ANKS1B: variants seen among roughly 807,000 people sequenced by gnomAD.
ANKS1B encodes ankyrin repeat and sterile alpha motif domain containing 1B.
Under a neutral mutation model 148.3 loss-of-function variants are expected in ANKS1B, and 36 were observed. That is an observed-to-expected ratio of 0.24 (90% confidence interval 0.19 to 0.32). ANKS1B has a LOEUF of 0.32. ANKS1B is among the 10% of genes least tolerant of loss of function. The probability of loss-of-function intolerance (pLI) is 1.00; values close to 1 mark genes in which losing one functional copy is unlikely to be tolerated. For synonymous variants in ANKS1B, 542 were observed against 560.8 expected (o/e 0.97, Z 0.47); for missense variants, 1,157 against 1,542.6 (o/e 0.75, Z 4.19).
chr12:99,887,994 A>G (rs774161550), intron 1 of ANKS1B, among the ~76,000 whole-genome samples: 37 of 152,196 alleles, frequency 2.4e-4, no homozygotes, highest in Non-Finnish European at 1.0e-4. Flanking sequence ...GGGCTCAAAT[A>G]GTGAAAAACA....
Position 99,641,953 on chromosome 12 carries a change from T to C in ANKS1B, c.1272+13114A>G, listed in dbSNP as rs373301157. On this transcript the variant is annotated intron_variant, in intron 9 of 26. Transcript: ENST00000683438. ...AAGTATAAATAGTCCATAGGGACTA[T>C]GGGAAAGTATAAATAGTCCATAGAA... Among the ~76,000 whole-genome samples the C allele has an allele frequency of 1.2e-4, 19 of 152,312 alleles. No homozygotes were observed. The South Asian group carries it at 2.1e-3, about 17-fold the overall frequency.
chr12:98,803,846 T>C (rs2099027084), intron 20 of ANKS1B, among the ~76,000 whole-genome samples: 1 of 152,256 alleles, frequency 6.6e-6, no homozygotes, highest in South Asian at 2.1e-4. Context: ...TAAACTTTAA[T>C]GTGAGTTCCA....
chr12:99,720,984 A>G (rs7953846), intron 8 of ANKS1B, among the ~76,000 whole-genome samples: 30,726 of 152,166 alleles, frequency 0.2, 3,359 homozygotes, highest in Middle Eastern at 0.24. Context: ...CTCTCTAATT[A>G]GATGTCCTGG....
At chr12:99,552,788 T>G (rs2097234651) in intron 9 of ANKS1B, among the ~76,000 whole-genome samples, 1 of 152,208 alleles carries the variant, frequency 6.6e-6, no homozygotes, top group African/African-American at 2.4e-5. Context: ...TATTTACATA[T>G]AACCTATGAA....
intron 17 of ANKS1B, among the ~76,000 whole-genome samples, chr12:99,021,568 G>T (rs947727771): frequency 6.6e-6 from 1 of 152,038 alleles, no homozygotes; most frequent in African/African-American, 2.4e-5. Flanking sequence ...TACATCATAG[G>T]CACCACAATA....
intron 9 of ANKS1B, among the ~76,000 whole-genome samples, chr12:99,546,619 A>G (rs2097174797): frequency 6.6e-6 from 1 of 152,160 alleles, no homozygotes; most frequent in Admixed American, 6.5e-5. Flanking sequence ...TCCACTGCAG[A>G]ATTTAGGAAC....
At chr12:99,271,479 G>A (rs954643727) in intron 12 of ANKS1B, among the ~76,000 whole-genome samples, 1 of 151,718 alleles carries the variant, frequency 6.6e-6, no homozygotes, top group Non-Finnish European at 1.5e-5. Context: ...TAGGGATAAT[G>A]TTTTCTTTAC....
At chr12:98,839,379 CTATG>C (rs1218519482) in intron 17 of ANKS1B, among the ~76,000 whole-genome samples, 2 of 124,224 alleles carry the variant, frequency 1.6e-5, no homozygotes, top group Non-Finnish European at 3.7e-5. Flanking sequence ...ATGTAGGCAT[CTATG>C]TATGTATGTA....
chr12:98,779,295 C>T (rs556364569), intron 24 of ANKS1B, among the ~76,000 whole-genome samples: 2 of 152,026 alleles, frequency 1.3e-5, no homozygotes, highest in South Asian at 4.1e-4. Context: ...TGTCTCTTGC[C>T]GTGTCAGTAA....
At chr12:99,430,955 G>T (rs1305245222) in intron 11 of ANKS1B, among the ~76,000 whole-genome samples, 2 of 152,126 alleles carry the variant, frequency 1.3e-5, no homozygotes, top group South Asian at 4.1e-4. Context: ...TTCTGAATCT[G>T]GGAGAGAAAG....
intron 9 of ANKS1B, among the ~76,000 whole-genome samples, chr12:99,541,600 T>G (rs142529804): frequency 4.6e-5 from 7 of 152,152 alleles, no homozygotes; most frequent in African/African-American, 1.7e-4. Flanking sequence ...GTGGCTCACA[T>G]CTATAATCCC....
At chr12:99,173,210 C>G (rs1032490163) in intron 14 of ANKS1B, among the ~76,000 whole-genome samples, 6 of 152,054 alleles carry the variant, frequency 3.9e-5, no homozygotes, top group Non-Finnish European at 7.4e-5. Context: ...GAGTAAATAC[C>G]TTCTGTGATG....
chr12:99,504,890 A>G (rs1555461911), intron 9 of ANKS1B, among the ~76,000 whole-genome samples: 2 of 151,978 alleles, frequency 1.3e-5, no homozygotes, highest in South Asian at 2.1e-4. Context: ...TTTGTAATAT[A>G]TATCTATTAT....
In ANKS1B at chr12:98,798,955, T is replaced by C. The variant is rs2153582432; in HGVS notation, c.3321A>G (p.Gln1107=). ...IKELRGTEST[Q]DACAKMRANC... is the part of the protein sequence containing the mutation. ...TTACCCGCATTTTTGCACAAGCATC[T>C]TGGGTTGATTCTGTCCCCCTAAGCT... is the stretch of plus-strand genomic sequence containing the variant. The change falls in exon 22 of 27, where the codon CAA becomes CAG. Residue 1107 remains glutamine, a synonymous_variant. Coordinates refer to ENST00000683438, the MANE Select transcript of ANKS1B (RefSeq NM_001352186.2). 6.2e-7 allele frequency: 1 copy of C among 1,611,122 alleles called. No individual in the cohort carries two copies. The highest frequency in any genetic ancestry group is 1.7e-5 in the Admixed American group (1 of 59,524).
intron 25 of ANKS1B, 156 bp downstream of exon 25, chr12:98,772,886 T>G (rs1335457732): frequency 2.9e-5 from 22 of 769,680 alleles, no homozygotes; most frequent in Non-Finnish European, 4.2e-5. Context: ...CTGTGGTACT[T>G]TGTTATGGCA....
intron 16 of ANKS1B, among the ~76,000 whole-genome samples, chr12:99,056,777 C>T (rs184979925): frequency 6.6e-6 from 1 of 152,306 alleles, no homozygotes; most frequent in Admixed American, 6.5e-5. Flanking sequence ...ACTTCCCATG[C>T]TTGGAATGCT....
intron 1 of ANKS1B, among the ~76,000 whole-genome samples, chr12:99,969,835 T>C (rs2095536605): frequency 6.6e-6 from 1 of 152,238 alleles, no homozygotes; most frequent in South Asian, 2.1e-4. Context: ...CTGAATTTGC[T>C]TCTTGAATCT....
At chr12:99,581,071 A>C (rs2097565189) in intron 9 of ANKS1B, among the ~76,000 whole-genome samples, 1 of 152,184 alleles carries the variant, frequency 6.6e-6, no homozygotes, top group Non-Finnish European at 1.5e-5. Context: ...TCTAAGATAA[A>C]TAAGGAAACG....
At chr12:98,752,264 CTTTTT>C (rs112862863) in intron 25 of ANKS1B, among the ~76,000 whole-genome samples, 2 of 147,146 alleles carry the variant, frequency 1.4e-5, no homozygotes, top group Non-Finnish European at 1.5e-5. Flanking sequence ...CATTTTTTTT[CTTTTT>C]TTTTTTTAGA....
Sources: gnomAD v4.1 joint callset for allele counts (sites outside exome capture counted in the v4.1 genomes callset) on GRCh38, gnomAD v4.1.1 for gene constraint, MANE v1.5 for transcripts, NCBI Gene and HGNC (gene_info 2026-07-23, HGNC 2026-07-21) for gene names.